Variants in TULP4 observed in about 807,000 individuals in gnomAD.
TULP4 encodes TUB like protein 4, also known as tubby-related protein 4.
In TULP4, 16 loss-of-function variants were observed where a neutral mutation model predicts 129.0. The ratio of observed to expected loss-of-function variants is 0.12; its 90% confidence interval spans 0.08 to 0.19. TULP4 has a LOEUF of 0.19. TULP4 is among the 10% of genes least tolerant of loss of function. The pLI, the probability that TULP4 is intolerant of heterozygous loss-of-function variation, is 1.00. For missense variants in TULP4, 1,842 were observed against 2,059.1 expected, an observed-to-expected ratio of 0.89 and a Z score of 2.04; for synonymous variants, 998 against 854.0, an observed-to-expected ratio of 1.17 and a Z score of -2.94.
chr6:158,433,421 A>G (rs971664438), intron 3 of TULP4, among the ~76,000 whole-genome samples: 2 of 152,212 alleles, frequency 1.3e-5, no homozygotes, highest in African/African-American at 2.4e-5. Context: ...GAACCTTTGT[A>G]AAAACAAAAG....
intron 1 of TULP4, among the ~76,000 whole-genome samples, chr6:158,299,154 G>T (rs1562510237): frequency 6.6e-6 from 1 of 152,080 alleles, no homozygotes; most frequent in Non-Finnish European, 1.5e-5. Flanking sequence ...GGGGGGTAAT[G>T]CCCTTATCTT....
chr6:158,418,478 T>C (rs1209583333), intron 2 of TULP4, among the ~76,000 whole-genome samples: 1 of 151,700 alleles, frequency 6.6e-6, no homozygotes, highest in Non-Finnish European at 1.5e-5. Flanking sequence ...TATAGTCTTA[T>C]CACATTATGT....
chr6:158,266,959 C>T (rs973335021), intron 1 of TULP4, among the ~76,000 whole-genome samples: 4 of 152,234 alleles, frequency 2.6e-5, no homozygotes, highest in Admixed American at 2.6e-4. Context: ...CCATCAAACA[C>T]TTCCCTTTTA....
intron 6 of TULP4, 28 bp downstream of exon 6, chr6:158,461,757 A>G: frequency 6.2e-7 from 1 of 1,608,568 alleles, no homozygotes; most frequent in Non-Finnish European, 8.5e-7. Flanking sequence ...AAACAAGTAC[A>G]TTTTCAGCAG....
At chr6:158,365,089 T>C (rs560617213) in intron 1 of TULP4, among the ~76,000 whole-genome samples, 1 of 152,028 alleles carries the variant, frequency 6.6e-6, no homozygotes, top group East Asian at 1.9e-4. Flanking sequence ...GCTTTCAGAA[T>C]TGAGATTCAA....
rs753877586 is a variant in TULP4, at chr6:158,502,375, C to T, written c.2712C>T (p.Arg904=). The change falls in exon 13 of 14, where the codon CGC becomes CGT. Residue 904 remains arginine, a synonymous_variant. Coordinates refer to ENST00000367097, the MANE Select transcript of TULP4 (RefSeq NM_020245.5). ...SGNVEEVCRP[R]TRMLCSQNTY... is the part of the protein sequence containing the mutation. Reference sequence around the variant, plus strand: ...ACGTGGAGGAGGTGTGCCGGCCCCGCACCCGGATGCTGTGCTCCCAGAACA... The same window carrying T: ...ACGTGGAGGAGGTGTGCCGGCCCCGTACCCGGATGCTGTGCTCCCAGAACA... The T allele has an allele frequency of 1.3e-5, 21 of 1,613,744 alleles. No homozygotes were observed. In the South Asian group the frequency reaches 2.2e-4, roughly 17 times the overall value.
chr6:158,271,104 C>G (rs548804229), intron 1 of TULP4, among the ~76,000 whole-genome samples: 27 of 148,702 alleles, frequency 1.8e-4, no homozygotes, highest in Admixed American at 9.4e-4. Context: ...TAGCCGAGAT[C>G]GCGCCACTGT....
At chr6:158,444,134 G>A (rs1017081473) in intron 3 of TULP4, among the ~76,000 whole-genome samples, 2 of 141,086 alleles carry the variant, frequency 1.4e-5, no homozygotes, top group African/African-American at 5.3e-5. Context: ...GCAGGAGAAT[G>A]GCATGAACCT....
chr6:158,455,896 C>A (rs1446414397), intron 5 of TULP4, among the ~76,000 whole-genome samples: 1 of 152,104 alleles, frequency 6.6e-6, no homozygotes, highest in African/African-American at 2.4e-5. Context: ...CCTGAAATGA[C>A]TGACAGTAGA....
intron 1 of TULP4, among the ~76,000 whole-genome samples, chr6:158,396,395 C>T (rs1454650279): frequency 2.0e-5 from 3 of 152,122 alleles, no homozygotes; most frequent in Non-Finnish European, 2.9e-5. Flanking sequence ...TTAAACCGTG[C>T]GTGTTTTCTT....
At chr6:158,325,590 G>C (rs970514769) in intron 1 of TULP4, among the ~76,000 whole-genome samples, 1 of 152,020 alleles carries the variant, frequency 6.6e-6, no homozygotes, top group African/African-American at 2.4e-5. Context: ...CTGACCTCGT[G>C]ATCCGCCCGC....
chr6:158,239,614 A>G (rs1583664738), intron 1 of TULP4, among the ~76,000 whole-genome samples: 1 of 58,744 alleles, frequency 1.7e-5, no homozygotes. Context: ...TCCCTCCCGG[A>G]CGGGGCGGCT....
intron 5 of TULP4, among the ~76,000 whole-genome samples, chr6:158,453,507 A>AAAAAAAAAAAAAAAAAAAAAAAT (rs1779213630): frequency 7.2e-6 from 1 of 137,976 alleles, no homozygotes; most frequent in African/African-American, 2.8e-5. Context: ...AAAAAAAAAA[A>AAAAAAAAAAAAAAAAAAAAAAAT]AAGCCGGGCA....
intron 1 of TULP4, among the ~76,000 whole-genome samples, chr6:158,318,557 T>C (rs1383630448): frequency 6.6e-6 from 1 of 152,198 alleles, no homozygotes; most frequent in Non-Finnish European, 1.5e-5. Context: ...GCTTTAAAGA[T>C]GTTAAATAAC....
rs903657785 is a variant in TULP4, at chr6:158,481,158, A to T, written c.1355A>T (p.Glu452Val). 1 of 1,614,134 alleles carries T rather than the reference A, an allele frequency of 6.2e-7. No homozygotes were observed. Among genetic ancestry groups the T allele is most frequent in the Non-Finnish European group, 8.5e-7 (1 of 1,180,010 alleles). Residue 452 changes from glutamate (E) to valine (V), a missense_variant, in exon 8 of 14, where the codon GAG becomes GTG. Around this residue, in one of 5 missense-constraint regions of TULP4, gnomAD observed 456 missense variants for 534.3 expected, o/e 0.85. Coordinates refer to ENST00000367097, the MANE Select transcript of TULP4 (RefSeq NM_020245.5). ...ATGAAGCGCACAGAGGACGACCCGG[A>T]GGTGGGCGGCCCGTGCTACACGCTC... ...CTMKRTEDDP[E>V]VGGPCYTLYL...
At chr6:158,471,368 G>T (rs1044450282) in intron 6 of TULP4, among the ~76,000 whole-genome samples, 1 of 152,210 alleles carries the variant, frequency 6.6e-6, no homozygotes, top group Admixed American at 6.5e-5. Flanking sequence ...CTAAAATTAG[G>T]AACTGGAAAG....
At chr6:158,269,064 G>C (rs1778500840) in intron 1 of TULP4, among the ~76,000 whole-genome samples, 1 of 152,116 alleles carries the variant, frequency 6.6e-6, no homozygotes, top group African/African-American at 2.4e-5. Context: ...TGTGGCTCTT[G>C]TCATTTTAAA....
intron 1 of TULP4, among the ~76,000 whole-genome samples, chr6:158,261,549 T>A (rs973346663): frequency 6.6e-6 from 1 of 152,206 alleles, no homozygotes; most frequent in African/African-American, 2.4e-5. Flanking sequence ...ATTATTCAAA[T>A]ACTTAATGAA....
intron 1 of TULP4, among the ~76,000 whole-genome samples, chr6:158,258,950 C>A (rs1778299234): frequency 6.6e-6 from 1 of 152,110 alleles, no homozygotes. Flanking sequence ...TCTAAATTTG[C>A]CAGGTATAGT....
Sources: allele counts gnomAD v4.1 joint callset (sites outside exome capture counted in the v4.1 genomes callset), GRCh38; gene constraint gnomAD v4.1.1; regional missense constraint gnomAD v4.1.1; transcripts MANE v1.5; gene names NCBI Gene and HGNC (gene_info 2026-07-23, HGNC 2026-07-21).